Variants in KLF12 observed in about 807,000 individuals in gnomAD.
KLF12 encodes the protein KLF transcription factor 12.
Under a neutral mutation model 37.8 loss-of-function variants are expected in KLF12, and 9 were observed. That is an observed-to-expected ratio of 0.24 (90% CI 0.14 to 0.42). The LOEUF (loss-of-function observed/expected upper bound fraction) is 0.42. KLF12 is among the 10% of genes least tolerant of loss of function. KLF12 has a pLI of 1.00. For synonymous variants in KLF12, 208 were observed against 202.1 expected (o/e 1.03, Z -0.25); for missense variants, 411 against 516.0 (o/e 0.80, Z 1.97).
intron 3 of KLF12, among the ~76,000 whole-genome samples, chr13:73,922,695 C>G (rs1889172843): frequency 6.6e-6 from 1 of 152,128 alleles, no homozygotes; most frequent in Non-Finnish European, 1.5e-5. Flanking sequence ...AATTAAAAGA[C>G]AGTGAACACT....
At chr13:73,748,243 G>A (rs1426400171) in intron 6 of KLF12, among the ~76,000 whole-genome samples, 1 of 152,172 alleles carries the variant, frequency 6.6e-6, no homozygotes, top group Non-Finnish European at 1.5e-5. Flanking sequence ...TGATGTTTAA[G>A]TTTTAAGGGA....
At chr13:73,995,989 TG>T (rs1892106840) in intron 1 of KLF12, among the ~76,000 whole-genome samples, 1 of 152,198 alleles carries the variant, frequency 6.6e-6, no homozygotes. Context: ...CCAATGTCTA[TG>T]GGCCGTAGCA....
intron 1 of KLF12, among the ~76,000 whole-genome samples, chr13:74,092,633 A>G (rs1875742013): frequency 6.7e-6 from 1 of 150,282 alleles, no homozygotes; most frequent in Non-Finnish European, 1.5e-5. Context: ...AAACAAAAAA[A>G]CAAAAAACAA....
At chr13:74,122,322 G>A (rs1246802359) in intron 1 of KLF12, among the ~76,000 whole-genome samples, 2 of 152,002 alleles carry the variant, frequency 1.3e-5, no homozygotes, top group African/African-American at 4.8e-5. Flanking sequence ...CATCACAAAA[G>A]ATGTTCAAAG....
intron 1 of KLF12, among the ~76,000 whole-genome samples, chr13:74,085,530 T>C (rs1182213156): frequency 1.3e-5 from 2 of 152,230 alleles, no homozygotes; most frequent in African/African-American, 4.8e-5. Context: ...CTGCTGTTAT[T>C]GTCCTCATTT....
intron 4 of KLF12, among the ~76,000 whole-genome samples, chr13:73,829,586 T>C (rs1482708737): frequency 1.3e-5 from 2 of 152,342 alleles, no homozygotes; most frequent in African/African-American, 4.8e-5. Context: ...TAAGGTCTAG[T>C]ACCAAGTTCT....
At chr13:74,087,507 G>A (rs1039438394) in intron 1 of KLF12, among the ~76,000 whole-genome samples, 4 of 152,100 alleles carry the variant, frequency 2.6e-5, no homozygotes, top group African/African-American at 9.7e-5. Flanking sequence ...GGGGCTCAAC[G>A]TCTGCTGAAT....
At chr13:73,925,434 G>A (rs577473697) in intron 3 of KLF12, among the ~76,000 whole-genome samples, 1 of 152,266 alleles carries the variant, frequency 6.6e-6, no homozygotes, top group East Asian at 1.9e-4. Flanking sequence ...TCTGTTAACA[G>A]CATGATTTAC....
At chr13:74,165,461 G>A in the KLF12 span, among the ~76,000 whole-genome samples, 2 of 151,988 alleles carry the variant, frequency 1.3e-5, no homozygotes, top group African/African-American at 4.8e-5. Flanking sequence ...ACCATGCCCA[G>A]CTAATTTTTG....
At chr13:74,122,460 A>G (rs1341538105) in intron 1 of KLF12, among the ~76,000 whole-genome samples, 1 of 152,118 alleles carries the variant, frequency 6.6e-6, no homozygotes, top group Non-Finnish European at 1.5e-5. Flanking sequence ...TGCTGGTAAT[A>G]ATATGAATTA....
intron 3 of KLF12, among the ~76,000 whole-genome samples, chr13:73,863,953 A>G (rs1313087527): frequency 2.0e-5 from 3 of 152,200 alleles, no homozygotes; most frequent in African/African-American, 7.2e-5. Context: ...TTAATTCTAA[A>G]TAAGTATTTT....
chr13:73,979,937 C>T (rs1237215244), intron 2 of KLF12, among the ~76,000 whole-genome samples: 1 of 151,906 alleles, frequency 6.6e-6, no homozygotes, highest in East Asian at 1.9e-4. Flanking sequence ...CAAAGACACA[C>T]AGAAAAAAAA....
At chr13:74,303,108 A>G in the KLF12 span, among the ~76,000 whole-genome samples, 2 of 152,168 alleles carry the variant, frequency 1.3e-5, no homozygotes, top group Non-Finnish European at 2.9e-5. Flanking sequence ...AAGTGGATGT[A>G]TGGTCATTCT....
chr13:74,285,469 A>C, the KLF12 span, among the ~76,000 whole-genome samples: 3 of 152,234 alleles, frequency 2.0e-5, no homozygotes, highest in Non-Finnish European at 4.4e-5. Context: ...CTCTTAATAA[A>C]ATTCTGCCAC....
chr13:74,129,412 A>G (rs1396040004), intron 1 of KLF12, among the ~76,000 whole-genome samples: 1 of 152,228 alleles, frequency 6.6e-6, no homozygotes, highest in Non-Finnish European at 1.5e-5. Context: ...GAAGCATGGC[A>G]AATGTCACAC....
intron 1 of KLF12, among the ~76,000 whole-genome samples, chr13:74,103,867 G>C (rs1175657535): frequency 6.6e-6 from 1 of 152,136 alleles, no homozygotes; most frequent in Admixed American, 6.6e-5. Context: ...CTTTATTATA[G>C]CATCAGTTTA....
At chr13:73,997,021 C>CA (rs754261360) in intron 1 of KLF12, among the ~76,000 whole-genome samples, 21 of 152,226 alleles carry the variant, frequency 1.4e-4, no homozygotes, top group Non-Finnish European at 3.1e-4. Flanking sequence ...ATACCATCTA[C>CA]ATTTGCAACC....
At chr13:74,171,360 C>T in the KLF12 span, among the ~76,000 whole-genome samples, 6 of 152,138 alleles carry the variant, frequency 3.9e-5, no homozygotes, top group South Asian at 2.1e-4. Flanking sequence ...CATTCTCAGA[C>T]GTTCCACACA....
chr13:73,804,711 T>C (rs1882468544), intron 5 of KLF12, among the ~76,000 whole-genome samples: 1 of 152,188 alleles, frequency 6.6e-6, no homozygotes, highest in Admixed American at 6.5e-5. Context: ...CTGGCAAGAA[T>C]GAATGGCTCC....
Sources: gnomAD v4.1 joint callset for allele counts (sites outside exome capture counted in the v4.1 genomes callset) on GRCh38, gnomAD v4.1.1 for gene constraint, MANE v1.5 for transcripts, NCBI Gene and HGNC (gene_info 2026-07-23, HGNC 2026-07-21) for gene names.